The following CELSR3 variants were observed in gnomAD, a reference collection of about 807,000 sequenced individuals.
CELSR3 encodes EGF-like protein 1.
Under a neutral mutation model 270.0 loss-of-function variants are expected in CELSR3, and 73 were observed. The observed-to-expected ratio is 0.27, with a 90% CI of 0.22 to 0.33. The LOEUF is 0.33. Ranked by LOEUF, CELSR3 falls within the 10% of genes least tolerant of loss-of-function variation. The pLI, the probability that CELSR3 is intolerant of heterozygous loss-of-function variation, is 1.00. For missense variants in CELSR3, 3,614 were observed against 4,533.8 expected (o/e 0.80, Z 5.83); for synonymous variants, 1,780 against 1,905.4 (o/e 0.93, Z 1.71).
rs1466927372 is a variant in CELSR3 at position 48,645,339 on chromosome 3, G to C, written c.7797+104C>G. On this transcript the variant is annotated intron_variant, in intron 24 of 34. Coordinates refer to ENST00000164024, the MANE Select transcript of CELSR3 (RefSeq NM_001407.3). The surrounding 1 kb of genome is among the most constrained non-coding windows in gnomAD (Gnocchi z 5.4). ...CCCCAGCATCCTGCTGAAAACCCTG[G>C]CCCCAACCTGAGCATCCCTGACCTC... 1.3e-6 allele frequency: 2 copies of C among 1,561,060 alleles called. No individual in the cohort carries two copies. Among genetic ancestry groups the C allele is most frequent in the Admixed American group, 3.5e-5 (2 of 56,750 alleles).
At chr3:48,647,003 A>C in intron 20 of CELSR3, 75 bp from the exon 21 acceptor site, 1 of 1,372,430 alleles carries the variant, frequency 7.3e-7, no homozygotes, top group South Asian at 1.5e-5. Context: ...TCTGAACCCG[A>C]TCAAGCATGG....
rs981943479 is a variant in CELSR3, at chr3:48,646,581, C to A, written c.7295+182G>T. On this transcript the variant is annotated intron_variant, in intron 21 of 34. Coordinates refer to ENST00000164024, the MANE Select transcript of CELSR3 (RefSeq NM_001407.3). The surrounding 1 kb of genome is among the most constrained non-coding windows in gnomAD (Gnocchi z 4.8). ...CTGTGTGTGGCTCTGTGTCTGTCAG[C>A]CTGTGGCTCTGTCACTCTGCACAAC... is the stretch of plus-strand genomic sequence containing the variant. 8.5e-5 allele frequency among the ~76,000 whole-genome samples: 13 copies of A among 152,218 alleles called. No homozygotes were observed. Among genetic ancestry groups the A allele is most frequent in the African/African-American group, 2.9e-4 (12 of 41,446 alleles).
At position 48,662,587 on chromosome 3, in the gene CELSR3, G is replaced by A. The variant is rs773903625; in HGVS notation, c.48C>T (p.Thr16=). Residue 16 remains threonine, a synonymous_variant, in exon 1 of 35, where the codon ACC becomes ACT. Coordinates refer to ENST00000164024, the MANE Select transcript of CELSR3 (RefSeq NM_001407.3). This position sits in a 1 kb window ranked among gnomAD's most constrained non-coding sequence, Gnocchi z 7.1. ...PPWRGLGGRS[T]PILLLLLLSL... ...AGAGGAGAAGGAGCAGGAGTATGGGGGTCGACCGTCCCCCGAGGCCCCGCC... is the reference window on the plus strand; with the variant it reads ...AGAGGAGAAGGAGCAGGAGTATGGGAGTCGACCGTCCCCCGAGGCCCCGCC... 6.6e-7 allele frequency: 1 copy of A among 1,508,730 alleles called. No individual in the cohort carries two copies. The highest frequency in any genetic ancestry group is 1.3e-5 in the South Asian group (1 of 77,930). 93.5% of individuals were successfully genotyped at this position (1,508,730 alleles called of 1,614,324 possible).
In CELSR3 at chr3:48,650,785, C is replaced by A. The variant is rs1575542603; in HGVS notation, c.6370+107G>T. 1 of 1,312,254 alleles carries A rather than the reference C, an allele frequency of 7.6e-7. No homozygotes were observed. Among genetic ancestry groups the A allele is most frequent in the Non-Finnish European group, 1.0e-6 (1 of 954,606 alleles). 81.3% of individuals were successfully genotyped at this position (1,312,254 alleles called of 1,614,324 possible). Reference sequence around the variant, plus strand: ...TTCCCTGGGTGTAAGTGGTCTCCCTCAGGAGAAGCTTCCAGAGTCCCCAAG... The same window carrying A: ...TTCCCTGGGTGTAAGTGGTCTCCCTAAGGAGAAGCTTCCAGAGTCCCCAAG... On this transcript the variant is annotated intron_variant, in intron 15 of 34. Coordinates refer to ENST00000164024, the MANE Select transcript of CELSR3 (RefSeq NM_001407.3). The surrounding 1 kb of genome is among the most constrained non-coding windows in gnomAD (Gnocchi z 5.1).
In CELSR3 at chr3:48,655,255, G is replaced by A. The variant is rs1206078884; in HGVS notation, c.4830+51C>T. On this transcript the variant is annotated intron_variant, in intron 5 of 34. Transcript: ENST00000164024. The surrounding 1 kb of genome is among the most constrained non-coding windows in gnomAD (Gnocchi z 5.8). ...TGCCCCCAGTAACCCCTGAGGAGCAGAAGTCAGCATCCCAACTCCCCTCAT... is the reference window on the plus strand; with the variant it reads ...TGCCCCCAGTAACCCCTGAGGAGCAAAAGTCAGCATCCCAACTCCCCTCAT... 8 of 1,613,834 alleles carry A rather than the reference G, an allele frequency of 5.0e-6. No individual in the cohort carries two copies. The African/African-American group carries it at 1.1e-4, about 22-fold the overall frequency.
In CELSR3 at chr3:48,657,461, C is replaced by T. The variant is rs1181225798; in HGVS notation, c.3749-113G>A. ...TAGGCCCCCAGAACCTCTAAGTCAG[C>T]AGGCTGACCCCACCAGGACACAAGG... On this transcript the variant is annotated intron_variant, in intron 1 of 34. Transcript: ENST00000164024. This position sits in a 1 kb window ranked among gnomAD's most constrained non-coding sequence, Gnocchi z 5.4. The T allele has an allele frequency of 1.7e-5, 19 of 1,114,788 alleles. No homozygotes were observed. In the African/African-American group the frequency reaches 3.0e-4, roughly 18 times the overall value. 69.1% of individuals were successfully genotyped at this position (1,114,788 alleles called of 1,614,324 possible).
At chr3:48,638,325 C>T (rs2046991657) in intron 34 of CELSR3, 93 bp from the exon 35 acceptor site, 2 of 893,464 alleles carry the variant, frequency 2.2e-6, no homozygotes, top group East Asian at 2.4e-5. Context: ...CTGGCTGCTT[C>T]CCTTGCCTCC....
In CELSR3 at chr3:48,661,809, T is replaced by C; in HGVS notation, c.826A>G (p.Met276Val). ...CAGCGGAAGAGACCCCGGGAGCGCA[T>C]GCGCTTGGGCGCCGGCTCGGGAGCT... Reference protein sequence around the residue: ...RTAPEPAPKRMRSRGLFRCRF... With the variant: ...RTAPEPAPKRVRSRGLFRCRF... The change falls in exon 1 of 35, where the codon ATG becomes GTG. Residue 276 changes from methionine to valine, a missense_variant. Met to Val is a conservative substitution (Grantham distance 21). This residue lies in a region of CELSR3 where 470 missense variants were observed against 469.7 expected (regional missense o/e 1.00). Transcript: ENST00000164024. The C allele has an allele frequency of 6.2e-7, 1 of 1,609,088 alleles. No homozygotes were observed. The highest frequency in any genetic ancestry group is 1.3e-5 in the African/African-American group (1 of 75,004).
At position 48,662,777 on chromosome 3, in the gene CELSR3, C is replaced by G; in HGVS notation, c.-143G>C. The stretch of plus-strand genomic sequence containing the variant: ...CCTGTCTCTCCGCACCCCCGCCGCC[C>G]TCTGGGCACCATCTACTCCGCGGCC... On this transcript the variant is annotated 5_prime_UTR_variant, in exon 1 of 35. Transcript: ENST00000164024. The surrounding 1 kb of genome is among the most constrained non-coding windows in gnomAD (Gnocchi z 7.1). 3.1e-6 allele frequency: 1 copy of G among 318,124 alleles called. No homozygotes were observed. Among genetic ancestry groups the G allele is most frequent in the Non-Finnish European group, 5.7e-6 (1 of 176,682 alleles). 19.7% of individuals were successfully genotyped at this position (318,124 alleles called of 1,614,324 possible). A position where few individuals can be genotyped will look rare whatever the true frequency, so the allele number is the denominator to read the frequency against.
rs1348456475 is a variant in CELSR3 at position 48,644,180 on chromosome 3, C to A, written c.8165+36G>T. ...ACCCCACCCAGGAGGGACCTGCCAT[C>A]CTGAGAAGCCCCCTTCCTCCAGCCA... On this transcript the variant is annotated intron_variant, in intron 27 of 34. Coordinates refer to ENST00000164024, the MANE Select transcript of CELSR3 (RefSeq NM_001407.3). The surrounding 1 kb of genome is among the most constrained non-coding windows in gnomAD (Gnocchi z 4.8). The A allele has an allele frequency of 6.3e-7, 1 of 1,585,776 alleles. No homozygotes were observed. The highest frequency in any genetic ancestry group is 1.1e-5 in the South Asian group (1 of 90,262).
Position 48,653,292 on chromosome 3 carries a change from G to A in CELSR3, c.5449-105C>T, listed in dbSNP as rs954295888. On this transcript the variant is annotated intron_variant, in intron 9 of 34. Transcript: ENST00000164024. This position sits in a 1 kb window ranked among gnomAD's most constrained non-coding sequence, Gnocchi z 6.5. ...GTCAGGAATATCAGAGGTCAGAACA[G>A]TGGGGTCAAGGTTATACCTGGCACA... 1 of 1,062,778 alleles carries A rather than the reference G, an allele frequency of 9.4e-7. No individual in the cohort carries two copies. Among genetic ancestry groups the A allele is most frequent in the Non-Finnish European group, 1.4e-6 (1 of 725,446 alleles). 65.8% of individuals were successfully genotyped at this position (1,062,778 alleles called of 1,614,324 possible). A position where few individuals can be genotyped will look rare whatever the true frequency, so the allele number is the denominator to read the frequency against.
At position 48,661,977 on chromosome 3, in the gene CELSR3, C is replaced by G. The variant is rs144021269; in HGVS notation, c.658G>C (p.Ala220Pro). The G allele has an allele frequency of 6.2e-7, 1 of 1,613,966 alleles. No individual in the cohort carries two copies. Residue 220 changes from alanine (A) to proline (P), a missense_variant, in exon 1 of 35, where the codon GCC (alanine) becomes CCC (proline). Ala to Pro is a conservative substitution (Grantham distance 27). This residue lies in a region of CELSR3 where 470 missense variants were observed against 469.7 expected (regional missense o/e 1.00). Coordinates refer to ENST00000164024, the MANE Select transcript of CELSR3 (RefSeq NM_001407.3). Reference sequence around the variant, plus strand: ...GTCCTTTCTGCTCCGGATGTCGTGGCTCTCTCGCCCTGACCCTTGCTCCCT... The same window carrying G: ...GTCCTTTCTGCTCCGGATGTCGTGGGTCTCTCGCCCTGACCCTTGCTCCCT... ...ATGSKGQGERATTSGAERTAP... is the reference protein window; with the variant it reads ...ATGSKGQGERPTTSGAERTAP...
In CELSR3 at chr3:48,657,014, C is replaced by G. The variant is rs769777864; in HGVS notation, c.4083G>C (p.Ala1361=). ...CGAGCAGGGAGCGAGCCGCCAGCGC[C>G]GCCCGGCGCACGTACAACTGCTCCT... ...ELQEQLYVRR[A]ALAARSLLDV... is the part of the protein sequence containing the mutation. Residue 1361 remains alanine, a synonymous_variant, in exon 2 of 35, where the codon GCG becomes GCC. Coordinates refer to ENST00000164024, the MANE Select transcript of CELSR3 (RefSeq NM_001407.3). This position sits in a 1 kb window ranked among gnomAD's most constrained non-coding sequence, Gnocchi z 5.4. The G allele has an allele frequency of 6.2e-7, 1 of 1,613,268 alleles. No homozygotes were observed. Among genetic ancestry groups the G allele is most frequent in the Non-Finnish European group, 8.5e-7 (1 of 1,179,692 alleles).
chr3:48,638,715 A>G (rs1210739666), intron 34 of CELSR3, among the ~76,000 whole-genome samples: 2 of 148,254 alleles, frequency 1.3e-5, no homozygotes, highest in Non-Finnish European at 2.9e-5. Flanking sequence ...CCAGACCCCA[A>G]AGCTAGACTG....
At chr3:48,647,716 AG>A in intron 20 of CELSR3, 124 bp downstream of exon 20, 1 of 806,436 alleles carries the variant, frequency 1.2e-6, no homozygotes, top group Middle Eastern at 3.8e-4. Flanking sequence ...GGTGGAGGGG[AG>A]ATGTGGGAGG....
In CELSR3 at chr3:48,646,286, A is replaced by G. The variant is rs1471210196; in HGVS notation, c.7296-29T>C. Reference sequence around the variant, plus strand: ...GGGAGACACCCATCTGGGCTTACGCACTGCTGACCTCCCCATGCTCAGCCT... The same window carrying G: ...GGGAGACACCCATCTGGGCTTACGCGCTGCTGACCTCCCCATGCTCAGCCT... On this transcript the variant is annotated intron_variant, in intron 21 of 34. Coordinates refer to ENST00000164024, the MANE Select transcript of CELSR3 (RefSeq NM_001407.3). This position sits in a 1 kb window ranked among gnomAD's most constrained non-coding sequence, Gnocchi z 4.8. The G allele has an allele frequency of 2.5e-6, 4 of 1,591,054 alleles. No homozygotes were observed. The highest frequency in any genetic ancestry group is 3.4e-6 in the Non-Finnish European group (4 of 1,166,042).
Position 48,660,317 on chromosome 3 carries a change from G to A in CELSR3, c.2318C>T (p.Thr773Ile). The change falls in exon 1 of 35, where the codon ACC (threonine) becomes ATC (isoleucine). Residue 773 changes from threonine (T) to isoleucine (I), a missense_variant. Thr to Ile is a moderately conservative substitution (Grantham distance 89). Transcript: ENST00000164024. The surrounding 1 kb of genome is among the most constrained non-coding windows in gnomAD (Gnocchi z 5.5). ...LRLNEDAAVG[T>I]SVVSVTAVDR... Reference sequence around the variant, plus strand: ...TACTGCGGTCACGCTGACCACACTGGTGCCCACAGCTGCATCCTCATTCAG... The same window carrying A: ...TACTGCGGTCACGCTGACCACACTGATGCCCACAGCTGCATCCTCATTCAG... 1 of 1,614,150 alleles carries A rather than the reference G, an allele frequency of 6.2e-7. No individual in the cohort carries two copies. The highest frequency in any genetic ancestry group is 8.5e-7 in the Non-Finnish European group (1 of 1,180,026).
chr3:48,648,119 G>A, intron 19 of CELSR3, 123 bp from the exon 20 acceptor site: 1 of 1,449,892 alleles, frequency 6.9e-7, no homozygotes, highest in South Asian at 1.3e-5. Context: ...TACCAGCTCG[G>A]AGCCTGTCCC....
Position 48,659,752 on chromosome 3 carries a change from A to G in CELSR3, c.2883T>C (p.Phe961=), listed in dbSNP as rs765443153. ...CCAGCCCTGTATAGTGGGAGGCCACAAATTGTGGAGCATTGTCATTCACGT... is the reference window on the plus strand; with the variant it reads ...CCAGCCCTGTATAGTGGGAGGCCACGAATTGTGGAGCATTGTCATTCACGT... The part of the protein sequence containing the change: ...VNDVNDNAPQ[F]VASHYTGLVS... The change falls in exon 1 of 35, where the codon TTT becomes TTC. Residue 961 remains phenylalanine (F), a synonymous_variant. Transcript: ENST00000164024. This position sits in a 1 kb window ranked among gnomAD's most constrained non-coding sequence, Gnocchi z 8.1. 1.2e-6 allele frequency: 2 copies of G among 1,614,224 alleles called. No homozygotes were observed. The highest frequency in any genetic ancestry group is 1.7e-6 in the Non-Finnish European group (2 of 1,180,040).
Sources: allele counts gnomAD v4.1 joint callset (sites outside exome capture counted in the v4.1 genomes callset), GRCh38; gene constraint gnomAD v4.1.1; regional missense constraint gnomAD v4.1.1; non-coding constraint Gnocchi (gnomAD v3.1); transcripts MANE v1.5; gene names NCBI Gene and HGNC (gene_info 2026-07-23, HGNC 2026-07-21).